The following RAF1 variants were observed in gnomAD, a reference collection of about 807,000 sequenced individuals.
RAF1 encodes the protein RAF proto-oncogene serine/threonine-protein kinase.
A neutral mutation model predicts 81.1 loss-of-function variants in RAF1; 27 were observed. The observed-to-expected ratio is 0.33, with a 90% CI of 0.25 to 0.46. The LOEUF (loss-of-function observed/expected upper bound fraction) is 0.46, where lower values mean the gene tolerates loss of function less well. Among genes scored for constraint, RAF1 ranks in the 20% least tolerant of loss-of-function variants. The probability of loss-of-function intolerance (pLI) is 1.00; values close to 1 mark genes in which losing one functional copy is unlikely to be tolerated. For synonymous variants in RAF1, 298 were observed against 294.0 expected (o/e 1.01, Z -0.14); for missense variants, 598 against 826.0 (o/e 0.72, Z 3.38).
intron 11 of RAF1, among the ~76,000 whole-genome samples, chr3:12,596,802 C>T (rs949782763): frequency 1.3e-5 from 2 of 152,158 alleles, no homozygotes; most frequent in African/African-American, 4.8e-5. Flanking sequence ...TTTTCTTCTT[C>T]ATTCATAGAC....
intron 1 of RAF1, among the ~76,000 whole-genome samples, chr3:12,643,600 G>C (rs531967779): frequency 6.6e-6 from 1 of 152,086 alleles, no homozygotes; most frequent in East Asian, 1.9e-4. Context: ...ATTAGGCGTG[G>C]TGGCAGGCGC....
At chr3:12,604,435 G>A (rs2125399816) in intron 6 of RAF1, 146 bp from the exon 7 acceptor site, 1 of 905,160 alleles carries the variant, frequency 1.1e-6, no homozygotes. Context: ...TTTCAAATGT[G>A]TGACATCTAA....
At chr3:12,642,414 CAGG>C (rs1466392991) in intron 1 of RAF1, among the ~76,000 whole-genome samples, 2 of 145,708 alleles carry the variant, frequency 1.4e-5, no homozygotes, top group African/African-American at 5.1e-5. Flanking sequence ...GAGGCTGAGG[CAGG>C]AGGAGAATGG....
In RAF1 at chr3:12,600,440, C is replaced by T. The variant is rs780495422; in HGVS notation, c.895-25G>A. 4.3e-6 allele frequency: 7 copies of T among 1,613,600 alleles called. No individual in the cohort carries two copies. The African/African-American group carries it at 9.3e-5, about 22-fold the overall frequency. On this transcript the variant is annotated intron_variant, in intron 8 of 17. Transcript: ENST00000442415. Reference sequence around the variant, plus strand: ...CCTGAAACAGAAAAGGAAAGCTGGTCAACTCCTACACACAAAAGATTTTCT... The same window carrying T: ...CCTGAAACAGAAAAGGAAAGCTGGTTAACTCCTACACACAAAAGATTTTCT...
chr3:12,648,700 C>T (rs1018948775), intron 1 of RAF1, among the ~76,000 whole-genome samples: 5 of 151,992 alleles, frequency 3.3e-5, no homozygotes, highest in African/African-American at 9.7e-5. Flanking sequence ...GAGCCGAGAT[C>T]GCACCACTGT....
At chr3:12,602,657 A>G (rs865869312) in intron 8 of RAF1, among the ~76,000 whole-genome samples, 23 of 152,338 alleles carry the variant, frequency 1.5e-4, no homozygotes, top group Middle Eastern at 6.8e-3. Context: ...GTGTTCATAC[A>G]GGAACAAACC....
intron 10 of RAF1, 128 bp downstream of exon 9, chr3:12,600,024 T>C: frequency 1.4e-6 from 2 of 1,451,496 alleles, no homozygotes; most frequent in Non-Finnish European, 1.9e-6. Context: ...ACAGTAACAT[T>C]TATAATCTCC....
intron 2 of RAF1, among the ~76,000 whole-genome samples, chr3:12,614,717 C>A (rs2059320833): frequency 6.6e-6 from 1 of 151,896 alleles, no homozygotes; most frequent in South Asian, 2.1e-4. Context: ...AGAGCCTCTG[C>A]ACCCAGCCTG....
rs1206095150 is a variant in RAF1, at chr3:12,583,628, A to AAAAT, written c.*882_*885dup. The AAAAT allele has an allele frequency of 6.5e-5, 15 of 232,400 alleles. No individual in the cohort carries two copies. The Admixed American group carries it at 8.4e-4, about 13-fold the overall frequency. 14.4% of individuals were successfully genotyped at this position (232,400 alleles called of 1,614,324 possible). On this transcript the variant is annotated 3_prime_UTR_variant, in exon 18 of 18. Transcript: ENST00000442415. ...ACACCTAAATTTAATTTATTTTATT[A>AAAAT]AAATAACATAATTGAGGGACCATCA...
At chr3:12,619,879 G>A (rs565737915) in intron 1 of RAF1, among the ~76,000 whole-genome samples, 160 of 151,976 alleles carry the variant, frequency 1.1e-3, no homozygotes, top group African/African-American at 2.7e-3. Flanking sequence ...TCAGGAGATC[G>A]AGACCATCCT....
intron 1 of RAF1, among the ~76,000 whole-genome samples, chr3:12,638,474 CA>C (rs1314967003): frequency 6.6e-6 from 1 of 152,164 alleles, no homozygotes; most frequent in East Asian, 1.9e-4. Context: ...GTTCATCAAA[CA>C]AGTCCCAAAC....
rs1160681029 is a variant in RAF1 at position 12,640,060 on chromosome 3, TAC to T, written c.-26-21315_-26-21314del. 4.6e-5 allele frequency among the ~76,000 whole-genome samples: 7 copies of T among 152,030 alleles called. 1 individual carries two copies. The highest frequency in any genetic ancestry group is 1.0e-4 in the Non-Finnish European group (7 of 68,016). On this transcript the variant is annotated intron_variant, in intron 1 of 17. Coordinates refer to ENST00000442415, the MANE Select transcript of RAF1 (RefSeq NM_001354689.3). ...AACAGAACAGAGCCGCCAGAAATAA[TAC>T]CACACATCTACAACTATCTGATCTT...
chr3:12,617,040 T>TGG (rs1440904975), intron 2 of RAF1, among the ~76,000 whole-genome samples: 7 of 152,134 alleles, frequency 4.6e-5, no homozygotes, highest in Non-Finnish European at 7.4e-5. Context: ...GCTCAAGCCA[T>TGG]CCTCCCACCT....
Position 12,591,747 on chromosome 3 carries a change from T to C in RAF1, c.1214A>G (p.Glu405Gly). ...CTCATTCCTGAAGGCCTGGAATTGCTCTGGGGTTGGGTCGACAACCTTTAG... is the reference window on the plus strand; with the variant it reads ...CTCATTCCTGAAGGCCTGGAATTGCCCTGGGGTTGGGTCGACAACCTTTAG... The change falls in exon 12 of 18, where the codon GAG (glutamate) becomes GGG (glycine). Residue 405 changes from glutamate (E) to glycine (G), a missense_variant. By Grantham distance (98) the Glu-to-Gly change is moderately conservative (BLOSUM62 -2). This residue lies in a region of RAF1 where 85 missense variants were observed against 185.6 expected (regional missense o/e 0.46). Coordinates refer to ENST00000442415, the MANE Select transcript of RAF1 (RefSeq NM_001354689.3). 1 of 1,614,174 alleles carries C rather than the reference T, an allele frequency of 6.2e-7. No individual in the cohort carries two copies. The highest frequency in any genetic ancestry group is 8.5e-7 in the Non-Finnish European group (1 of 1,180,042).
intron 2 of RAF1, 125 bp downstream of exon 2, chr3:12,618,390 G>GAAA: frequency 1.2e-6 from 1 of 810,374 alleles, no homozygotes; most frequent in Non-Finnish European, 1.8e-6. Context: ...TCTGCAGTTA[G>GAAA]AAAAAAAAAA....
chr3:12,619,287 G>A (rs1001673513), intron 1 of RAF1, among the ~76,000 whole-genome samples: 3 of 151,942 alleles, frequency 2.0e-5, no homozygotes, highest in Admixed American at 1.3e-4. Context: ...CAAGGGACCA[G>A]GCACAGTGGC....
chr3:12,607,010 A>G (rs2059056534), intron 5 of RAF1, among the ~76,000 whole-genome samples: 1 of 152,214 alleles, frequency 6.6e-6, no homozygotes, highest in Non-Finnish European at 1.5e-5. Flanking sequence ...TTTCTAGGAA[A>G]TACTGGTCCT....
At chr3:12,638,533 G>A (rs542042226) in intron 1 of RAF1, among the ~76,000 whole-genome samples, 6 of 152,156 alleles carry the variant, frequency 3.9e-5, no homozygotes, top group African/African-American at 1.2e-4. Context: ...AGAATTCTAC[G>A]TCAGAGGTAT....
intron 11 of RAF1, among the ~76,000 whole-genome samples, chr3:12,595,682 G>A (rs2125362294): frequency 6.6e-6 from 1 of 151,898 alleles, no homozygotes; most frequent in South Asian, 2.1e-4. Flanking sequence ...CTAGATATCT[G>A]CACCACCCAC....
Sources: gnomAD v4.1 joint callset for allele counts (sites outside exome capture counted in the v4.1 genomes callset) on GRCh38, gnomAD v4.1.1 for gene constraint, gnomAD v4.1.1 regional missense constraint, MANE v1.5 for transcripts, NCBI Gene and HGNC (gene_info 2026-07-23, HGNC 2026-07-21) for gene names.